Variants in FSTL4 observed in about 807,000 individuals in gnomAD.
The protein encoded by FSTL4 is follistatin like 4, also known as follistatin-related protein 4.
In FSTL4, 28 loss-of-function variants were observed where a neutral mutation model predicts 78.2. That is an observed-to-expected ratio of 0.36 (90% confidence interval 0.27 to 0.49). FSTL4 has a LOEUF of 0.49. Ranked by LOEUF, FSTL4 falls within the 20% of genes least tolerant of loss-of-function variation. The probability of loss-of-function intolerance (pLI) is 0.98; values close to 1 mark genes in which losing one functional copy is unlikely to be tolerated. For synonymous variants in FSTL4, 422 were observed against 440.5 expected, an observed-to-expected ratio of 0.96 and a Z score of 0.53; for missense variants, 922 against 1,084.9, an observed-to-expected ratio of 0.85 and a Z score of 2.11.
intron 3 of FSTL4, among the ~76,000 whole-genome samples, chr5:133,469,644 C>T (rs1757778659): frequency 6.6e-6 from 1 of 152,172 alleles, no homozygotes; most frequent in African/African-American, 2.4e-5. Flanking sequence ...AGGGTAGGTA[C>T]ATGCATTTCT....
chr5:133,502,143 C>A (rs747682566), intron 3 of FSTL4, among the ~76,000 whole-genome samples: 5 of 152,136 alleles, frequency 3.3e-5, no homozygotes, highest in Non-Finnish European at 7.3e-5. Flanking sequence ...AAGTCATTCC[C>A]AATGCTTTAA....
intron 6 of FSTL4, among the ~76,000 whole-genome samples, chr5:133,292,859 C>T (rs185520776): frequency 2.0e-5 from 3 of 152,122 alleles, no homozygotes; most frequent in Admixed American, 1.3e-4. Flanking sequence ...AATTAGAGAG[C>T]GCCACTGTGA....
chr5:133,687,276 G>A, the FSTL4 span, among the ~76,000 whole-genome samples: 1 of 152,208 alleles, frequency 6.6e-6, no homozygotes. Flanking sequence ...TGATTGTGTG[G>A]ACTGGACTGG....
At chr5:133,297,431 G>A (rs1025065550) in intron 6 of FSTL4, among the ~76,000 whole-genome samples, 3 of 152,288 alleles carry the variant, frequency 2.0e-5, no homozygotes, top group Admixed American at 6.5e-5. Flanking sequence ...TGGAGTGCTG[G>A]AGCCATCATG....
intron 3 of FSTL4, among the ~76,000 whole-genome samples, chr5:133,500,480 A>G (rs1265980945): frequency 6.6e-6 from 1 of 151,880 alleles, no homozygotes; most frequent in African/African-American, 2.4e-5. Flanking sequence ...CCACAACACA[A>G]AGCTTTGGTT....
intron 7 of FSTL4, among the ~76,000 whole-genome samples, chr5:133,233,996 G>A (rs1751584273): frequency 6.6e-6 from 1 of 152,152 alleles, no homozygotes; most frequent in Non-Finnish European, 1.5e-5. Context: ...GGCTTCATGG[G>A]TAGCACAGTT....
chr5:133,520,367 C>T (rs907872739), intron 3 of FSTL4, among the ~76,000 whole-genome samples: 8 of 135,074 alleles, frequency 5.9e-5, no homozygotes, highest in African/African-American at 1.4e-4. Context: ...GAGCACACCA[C>T]GGAGGGCTGT....
the FSTL4 span, among the ~76,000 whole-genome samples, chr5:133,722,371 G>T: frequency 4.0e-3 from 608 of 152,182 alleles, 9 homozygotes; most frequent in African/African-American, 0.014. Flanking sequence ...TGTCAAAAAG[G>T]TTGGGGACCA....
At chr5:133,624,693 A>G in the FSTL4 span, among the ~76,000 whole-genome samples, 1 of 151,754 alleles carries the variant, frequency 6.6e-6, no homozygotes, top group African/African-American at 2.4e-5. Context: ...TAACAATATC[A>G]CATAGTTTTG....
At chr5:133,782,003 A>G in the FSTL4 span, among the ~76,000 whole-genome samples, 1 of 152,248 alleles carries the variant, frequency 6.6e-6, no homozygotes, top group Non-Finnish European at 1.5e-5. Flanking sequence ...TCCAAGCAGG[A>G]GTAAATACAG....
chr5:133,709,757 C>T, the FSTL4 span, among the ~76,000 whole-genome samples: 10 of 152,218 alleles, frequency 6.6e-5, no homozygotes, highest in African/African-American at 2.2e-4. Flanking sequence ...AGTTTCCAGA[C>T]GTAGCATAAG....
chr5:133,618,433 G>A, the FSTL4 span, among the ~76,000 whole-genome samples: 1 of 152,166 alleles, frequency 6.6e-6, no homozygotes, highest in African/African-American at 2.4e-5. Flanking sequence ...GATGTCTCTG[G>A]CTGCTGTATG....
intron 2 of FSTL4, among the ~76,000 whole-genome samples, chr5:133,578,428 G>A (rs1371606042): frequency 6.6e-6 from 1 of 152,210 alleles, no homozygotes; most frequent in Non-Finnish European, 1.5e-5. Context: ...CAATTGAGGC[G>A]ATATCTCAGA....
chr5:133,205,779 TTTGTAATC>T (rs1750478712), intron 14 of FSTL4, among the ~76,000 whole-genome samples: 1 of 138,838 alleles, frequency 7.2e-6, no homozygotes, highest in Non-Finnish European at 1.6e-5. Flanking sequence ...CATCTCTTTG[TTTGTAATC>T]AATCACTGAG....
At chr5:133,707,014 G>T in the FSTL4 span, among the ~76,000 whole-genome samples, 1 of 152,138 alleles carries the variant, frequency 6.6e-6, no homozygotes. Flanking sequence ...TAAGCACAAC[G>T]TTATTCCTTT....
chr5:133,760,687 G>A, the FSTL4 span, among the ~76,000 whole-genome samples: 7 of 152,274 alleles, frequency 4.6e-5, no homozygotes, highest in South Asian at 2.1e-4. Flanking sequence ...GCCTGGCCAC[G>A]CAGTTCCGCT....
chr5:133,640,184 C>T, the FSTL4 span, among the ~76,000 whole-genome samples: 2 of 152,184 alleles, frequency 1.3e-5, no homozygotes, highest in African/African-American at 4.8e-5. Flanking sequence ...GGAGCTGTGC[C>T]TACATTCATG....
rs949461396 is a variant in FSTL4, at chr5:133,354,746, T to C, written c.410-38094A>G. Among the ~76,000 whole-genome samples the C allele has an allele frequency of 1.1e-4, 16 of 152,232 alleles. 2 individuals carry two copies. Among genetic ancestry groups the C allele is most frequent in the South Asian group, 2.1e-4 (1 of 4,838 alleles). On this transcript the variant is annotated intron_variant, in intron 4 of 15. Transcript: ENST00000265342. ...AGCTGATGGCCTTGAGACAATCTTA[T>C]AATTCAAAGGCCACAGCTGTGCCCA...
chr5:133,753,687 G>A, the FSTL4 span, among the ~76,000 whole-genome samples: 1 of 35,728 alleles, frequency 2.8e-5, no homozygotes, highest in African/African-American at 9.9e-5. Context: ...TTTGTTCTGT[G>A]TGTGTGTGTG....
Sources: allele counts gnomAD v4.1 joint callset (sites outside exome capture counted in the v4.1 genomes callset), GRCh38; gene constraint gnomAD v4.1.1; transcripts MANE v1.5; gene names NCBI Gene and HGNC (gene_info 2026-07-23, HGNC 2026-07-21).